The following EMP3 variants were observed in gnomAD, a reference collection of about 807,000 sequenced individuals.
The protein encoded by EMP3 is epithelial membrane protein 3.
In EMP3, 15 loss-of-function variants were observed where a neutral mutation model predicts 21.6. The ratio of observed to expected loss-of-function variants is 0.69; its 90% CI spans 0.46 to 1.07. The LOEUF (loss-of-function observed/expected upper bound fraction) is 1.07. Ranked by LOEUF, EMP3 falls within the 50% of genes least tolerant of loss-of-function variation. The pLI, the probability that EMP3 is intolerant of heterozygous loss-of-function variation, is 0.00. For missense variants in EMP3, 183 were observed against 206.6 expected, an observed-to-expected ratio of 0.89 and a Z score of 0.70; for synonymous variants, 107 against 86.1, an observed-to-expected ratio of 1.24 and a Z score of -1.34.
At chr19:48,327,708 C>A in intron 3 of EMP3, 85 bp downstream of exon 3, 1 of 1,349,702 alleles carries the variant, frequency 7.4e-7, no homozygotes, top group Non-Finnish European at 1.0e-6. Context: ...TGGGAACCCT[C>A]CCCCAACAAA....
In EMP3 at chr19:48,330,497, G is replaced by A. The variant is rs61764025; in HGVS notation, c.*27G>A. The A allele has an allele frequency of 1.6e-5, 24 of 1,538,362 alleles. No individual in the cohort carries two copies. The East Asian group carries it at 5.7e-4, about 37-fold the overall frequency. ...CGCCCCGCCTCGCTCGGCTGCCCCC[G>A]CCCCTTCCCGGCCCCCCTCGCCGCG... On this transcript the variant is annotated 3_prime_UTR_variant, in exon 5 of 5. Transcript: ENST00000270221.
rs934141094 is a variant in EMP3, at chr19:48,330,509, C to T, written c.*39C>T. ...CTCGGCTGCCCCCGCCCCTTCCCGG[C>T]CCCCCTCGCCGCGCGTCCTCCAAAA... On this transcript the variant is annotated 3_prime_UTR_variant, in exon 5 of 5. Coordinates refer to ENST00000270221, the MANE Select transcript of EMP3 (RefSeq NM_001425.3). 6.0e-6 allele frequency: 9 copies of T among 1,510,160 alleles called. No individual in the cohort carries two copies. The East Asian group carries it at 1.8e-4, about 30-fold the overall frequency. 93.5% of individuals were successfully genotyped at this position (1,510,160 alleles called of 1,614,324 possible).
chr19:48,329,607 C>T lies in EMP3; in HGVS notation c.322+115C>T. The T allele has an allele frequency of 7.5e-7, 1 of 1,338,140 alleles. No homozygotes were observed. Among genetic ancestry groups the T allele is most frequent in the Non-Finnish European group, 1.0e-6 (1 of 991,628 alleles). 82.9% of individuals were successfully genotyped at this position (1,338,140 alleles called of 1,614,324 possible). On this transcript the variant is annotated intron_variant, in intron 4 of 4. Transcript: ENST00000270221. This position sits in a 1 kb window ranked among gnomAD's most constrained non-coding sequence, Gnocchi z 4.5. ...GCCTCTCGTAGAAAAAAACAACTTT[C>T]AACACCCCACGAGCCACAAGAGGTG...
At chr19:48,330,235 C>T in intron 4 of EMP3, 66 bp from the exon 5 acceptor site, 1 of 1,480,448 alleles carries the variant, frequency 6.8e-7, no homozygotes, top group East Asian at 2.6e-5. Flanking sequence ...TCTTTGCCCC[C>T]ATGGGATATT....
chr19:48,328,815 A>G (rs1167873993), intron 3 of EMP3, among the ~76,000 whole-genome samples: 1 of 152,198 alleles, frequency 6.6e-6, no homozygotes, highest in African/African-American at 2.4e-5. Flanking sequence ...GTTTATGTAG[A>G]AAATCCATTA....
chr19:48,329,717 G>A lies in EMP3; in HGVS notation c.322+225G>A, dbSNP rs1310675867. On this transcript the variant is annotated intron_variant, in intron 4 of 4. Transcript: ENST00000270221. This position sits in a 1 kb window ranked among gnomAD's most constrained non-coding sequence, Gnocchi z 4.5. ...AATGATAGTTATGGCTTGTGCGTAT[G>A]AGTCATCAGGGAACTCAGAGTTTCA... Among the ~76,000 whole-genome samples, 1 of 152,176 alleles carries A rather than the reference G, an allele frequency of 6.6e-6. No homozygotes were observed. The highest frequency in any genetic ancestry group is 1.9e-4 in the East Asian group (1 of 5,204).
chr19:48,326,471 A>G (rs989858384), intron 1 of EMP3, among the ~76,000 whole-genome samples: 5 of 149,254 alleles, frequency 3.3e-5, no homozygotes, highest in African/African-American at 9.9e-5. Flanking sequence ...ATCAGGAGAC[A>G]TCTCACCTGC....
intron 3 of EMP3, 28 bp downstream of exon 3, chr19:48,327,651 C>G: frequency 6.3e-7 from 1 of 1,592,958 alleles, no homozygotes; most frequent in Admixed American, 1.7e-5. Context: ...CGGGACTGGT[C>G]TTCAAAGGGG....
intron 1 of EMP3, among the ~76,000 whole-genome samples, chr19:48,326,428 A>G (rs1969123204): frequency 6.6e-6 from 1 of 151,878 alleles, no homozygotes; most frequent in African/African-American, 2.4e-5. Context: ...CCTCCCTGAG[A>G]GACCCAGGAG....
rs1223940719 is a variant in EMP3 at position 48,330,413 on chromosome 19, C to T, written c.435C>T (p.Ala145=). 1 of 1,601,694 alleles carries T rather than the reference C, an allele frequency of 6.2e-7. No individual in the cohort carries two copies. Among genetic ancestry groups the T allele is most frequent in the Non-Finnish European group, 8.5e-7 (1 of 1,174,726 alleles). Residue 145 remains alanine, a synonymous_variant, in exon 5 of 5, where the codon GCC becomes GCT. Transcript: ENST00000270221. The part of the protein sequence containing the change: ...FGYCFALAWV[A]FPLALVSGII... ...ACTGCTTCGCCCTGGCCTGGGTGGC[C>T]TTCCCCCTCGCCCTGGTCAGCGGCA...
chr19:48,330,135 G>A (rs1316485846), intron 4 of EMP3, among the ~76,000 whole-genome samples, 166 bp from the exon 5 acceptor site: 2 of 152,172 alleles, frequency 1.3e-5, no homozygotes, highest in Non-Finnish European at 2.9e-5. Context: ...AGTTACCTAA[G>A]GCCGCGCTAC....
In EMP3 at chr19:48,329,265, C is replaced by A; in HGVS notation, c.182-87C>A. On this transcript the variant is annotated intron_variant, in intron 3 of 4. Transcript: ENST00000270221. The surrounding 1 kb of genome is among the most constrained non-coding windows in gnomAD (Gnocchi z 4.5). ...GGCCTAAACGGGAGCAGGGATGGGG[C>A]AGAGAAGGGTCACATGGTGAGCAAG... The A allele has an allele frequency of 6.5e-7, 1 of 1,547,132 alleles. No individual in the cohort carries two copies. The highest frequency in any genetic ancestry group is 1.2e-5 in the South Asian group (1 of 83,486).
At chr19:48,330,148 T>C (rs377236213) in intron 4 of EMP3, among the ~76,000 whole-genome samples, 153 bp from the exon 5 acceptor site, 229 of 152,090 alleles carry the variant, frequency 1.5e-3, no homozygotes, top group African/African-American at 5.2e-3. Flanking sequence ...CGCGCTACAG[T>C]TGCACGGCGC....
chr19:48,327,264 T>A (rs532499216), intron 2 of EMP3, among the ~76,000 whole-genome samples: 187 of 152,216 alleles, frequency 1.2e-3, no homozygotes, highest in African/African-American at 4.0e-3. Flanking sequence ...ACCCCTGGCC[T>A]CAAGTGATCC....
At chr19:48,326,111 G>GGC (rs1272270120) in intron 1 of EMP3, 1 of 151,406 alleles carries the variant, frequency 6.6e-6, no homozygotes, top group African/African-American at 2.4e-5. Context: ...TAGAGATGGG[G>GGC]GGGGGTGGGG....
At chr19:48,327,448 C>T in intron 2 of EMP3, 73 bp from the exon 3 acceptor site, 1 of 1,136,204 alleles carries the variant, frequency 8.8e-7, no homozygotes, top group Non-Finnish European at 1.3e-6. Flanking sequence ...CCCAGCCCTT[C>T]CCACAGTCTG....
rs1165378910 is a variant in EMP3 at position 48,329,414 on chromosome 19, A to T, written c.244A>T (p.Ile82Phe). 6.2e-7 allele frequency: 1 copy of T among 1,612,618 alleles called. No individual in the cohort carries two copies. The highest frequency in any genetic ancestry group is 1.7e-5 in the Admixed American group (1 of 59,918). The change falls in exon 4 of 5, where the codon ATC (isoleucine) becomes TTC (phenylalanine). Residue 82 changes from isoleucine to phenylalanine, a missense_variant. Physicochemically the swap from Ile to Phe is conservative, Grantham distance 21. Coordinates refer to ENST00000270221, the MANE Select transcript of EMP3 (RefSeq NM_001425.3). The surrounding 1 kb of genome is among the most constrained non-coding windows in gnomAD (Gnocchi z 4.5). The stretch of plus-strand genomic sequence containing the variant: ...CCTCATTCTCTGCTGTCTCTCCTTC[A>T]TCCTGTTCATGTTCCAGCTCTACAC... ...LSLILCCLSFILFMFQLYTMR... is the reference protein window; with the variant it reads ...LSLILCCLSFFLFMFQLYTMR...
Position 48,329,219 on chromosome 19 carries a change from C to A in EMP3, c.182-133C>A. ...CTCAAGGTCAAAATAAGTGATACAT[C>A]TAAGTATCTAGGCTTGTATGGGCCT... is the stretch of plus-strand genomic sequence containing the variant. On this transcript the variant is annotated intron_variant, in intron 3 of 4. Coordinates refer to ENST00000270221, the MANE Select transcript of EMP3 (RefSeq NM_001425.3). The surrounding 1 kb of genome is among the most constrained non-coding windows in gnomAD (Gnocchi z 4.5). The A allele has an allele frequency of 9.4e-7, 1 of 1,064,206 alleles. No individual in the cohort carries two copies. The highest frequency in any genetic ancestry group is 1.3e-6 in the Non-Finnish European group (1 of 741,488). The allele number at this position is 1,064,206 out of a possible 1,614,324, so 65.9% of individuals were successfully genotyped here. A position where few individuals can be genotyped will look rare whatever the true frequency, so the allele number is the denominator to read the frequency against.
chr19:48,327,189 A>T (rs10414314), intron 2 of EMP3, among the ~76,000 whole-genome samples: 3 of 151,628 alleles, frequency 2.0e-5, no homozygotes, highest in South Asian at 2.1e-4. Flanking sequence ...CCTGCCACCA[A>T]GCCCGGCTAA....
Sources: gnomAD v4.1 joint callset for allele counts (sites outside exome capture counted in the v4.1 genomes callset) on GRCh38, gnomAD v4.1.1 for gene constraint, Gnocchi (gnomAD v3.1) non-coding constraint, MANE v1.5 for transcripts, NCBI Gene and HGNC (gene_info 2026-07-23, HGNC 2026-07-21) for gene names.